EVC: variants seen among roughly 807,000 people sequenced by gnomAD.
The protein encoded by EVC is EvC ciliary complex subunit 1.
Under a neutral mutation model 118.9 loss-of-function variants are expected in EVC, and 116 were observed. The observed-to-expected ratio is 0.98, with a 90% CI of 0.84 to 1.14. EVC has a LOEUF of 1.14. EVC is among the 50% of genes most tolerant of loss of function. The probability of loss-of-function intolerance (pLI) is 0.00; values close to 1 mark genes in which losing one functional copy is unlikely to be tolerated. For missense variants in EVC, 1,401 were observed against 1,246.4 expected (o/e 1.12, Z -1.87); for synonymous variants, 619 against 534.7 (o/e 1.16, Z -2.18).
chr4:5,796,025 G>T (rs183944120), intron 13 of EVC, among the ~76,000 whole-genome samples: 1 of 152,062 alleles, frequency 6.6e-6, no homozygotes, highest in East Asian at 1.9e-4. Context: ...CCGTGGTTCA[G>T]CATGGATATT....
chr4:5,749,315 TTAACAC>T lies in EVC; in HGVS notation c.1098+1014_1098+1019del, dbSNP rs1201689498. On this transcript the variant is annotated intron_variant, in intron 8 of 20. Transcript: ENST00000264956. This position sits in a 1 kb window ranked among gnomAD's most constrained non-coding sequence, Gnocchi z 4.4. Reference sequence around the variant, plus strand: ...TGTCTTAGGCCACACATAAAATACATTAACACTAACGATAGCTGATGAGCGGAAAAA... The same window carrying T: ...TGTCTTAGGCCACACATAAAATACATTAACGATAGCTGATGAGCGGAAAAA... 1.4e-5 allele frequency among the ~76,000 whole-genome samples: 2 copies of T among 141,826 alleles called. No individual in the cohort carries two copies. The highest frequency in any genetic ancestry group is 7.1e-5 in the Admixed American group (1 of 14,020). 93.0% of individuals were successfully genotyped at this position (141,826 alleles called of 152,430 possible).
intron 17 of EVC, among the ~76,000 whole-genome samples, chr4:5,806,057 G>A (rs770224763): frequency 8.6e-5 from 13 of 151,258 alleles, no homozygotes; most frequent in Non-Finnish European, 1.5e-4. Context: ...CCGCCCTTCT[G>A]TGTCTCTGTT....
intron 17 of EVC, among the ~76,000 whole-genome samples, chr4:5,805,509 A>C (rs1715723970): frequency 6.6e-6 from 1 of 152,222 alleles, no homozygotes; most frequent in African/African-American, 2.4e-5. Context: ...GGCTCCCAGC[A>C]AACTACAGTC....
chr4:5,768,013 A>G (rs1411681005), intron 11 of EVC, among the ~76,000 whole-genome samples: 2 of 151,738 alleles, frequency 1.3e-5, no homozygotes, highest in Admixed American at 6.6e-5. Context: ...TCATTCGTTC[A>G]TTCATTCATT....
chr4:5,766,108 A>G (rs562691255), intron 11 of EVC, among the ~76,000 whole-genome samples: 8 of 138,716 alleles, frequency 5.8e-5, no homozygotes, highest in African/African-American at 2.2e-4. Context: ...GGTGGTGACA[A>G]AATCTCTCAG....
At chr4:5,715,661 A>G (rs1214285844) in intron 1 of EVC, among the ~76,000 whole-genome samples, 2 of 151,450 alleles carry the variant, frequency 1.3e-5, no homozygotes, top group African/African-American at 4.9e-5. Context: ...ATATTCTTCT[A>G]TCTTTATACT....
Position 5,811,912 on chromosome 4 carries a change from G to A in EVC, c.*875G>A. 6.7e-6 allele frequency: 1 copy of A among 148,294 alleles called. No individual in the cohort carries two copies. The highest frequency in any genetic ancestry group is 2.0e-4 in the South Asian group (1 of 4,884). The allele number at this position is 148,294 out of a possible 1,614,324, so 9.2% of individuals were successfully genotyped here. A position where few individuals can be genotyped will look rare whatever the true frequency, so the allele number is the denominator to read the frequency against. On this transcript the variant is annotated 3_prime_UTR_variant, in exon 21 of 21. Coordinates refer to ENST00000264956, the MANE Select transcript of EVC (RefSeq NM_153717.3). ...AGCCTGGAGAGAAACTTCCAGACCAGCCCTCTCACTACAGCCAGGAGAGGC... is the reference window on the plus strand; with the variant it reads ...AGCCTGGAGAGAAACTTCCAGACCAACCCTCTCACTACAGCCAGGAGAGGC...
At chr4:5,768,053 G>T (rs55941772) in intron 11 of EVC, among the ~76,000 whole-genome samples, 11 of 152,208 alleles carry the variant, frequency 7.2e-5, no homozygotes, top group Non-Finnish European at 1.3e-4. Context: ...ACAGCTTTGT[G>T]CAGCATGTGT....
In EVC at chr4:5,719,370, T is replaced by G. The variant is rs1219519950; in HGVS notation, c.297T>G (p.Val99=). 1.2e-6 allele frequency: 2 copies of G among 1,614,058 alleles called. No homozygotes were observed. The highest frequency in any genetic ancestry group is 1.7e-6 in the Non-Finnish European group (2 of 1,179,990). ...AGATGTCGAAGGACAAGGAAGCTGTTGATGTAAGCTTGGTGTTGATGTTTG... is the reference window on the plus strand; with the variant it reads ...AGATGTCGAAGGACAAGGAAGCTGTGGATGTAAGCTTGGTGTTGATGTTTG... ...EVQMSKDKEA[V]DECEPPSNSN... is the part of the protein sequence containing the mutation. The change falls in exon 2 of 21, where the codon GTT becomes GTG. Residue 99 remains valine, a synonymous_variant. Coordinates refer to ENST00000264956, the MANE Select transcript of EVC (RefSeq NM_153717.3). This position sits in a 1 kb window ranked among gnomAD's most constrained non-coding sequence, Gnocchi z 4.7.
Position 5,743,539 on chromosome 4 carries a change from A to G in EVC, c.802-1665A>G, listed in dbSNP as rs1425751553. ...CACCACCTTTATCATCTTTCCTGCT[A>G]CCTCTACCTTCACCTTCATTAGAGT... is the stretch of plus-strand genomic sequence containing the variant. On this transcript the variant is annotated intron_variant, in intron 6 of 20. Coordinates refer to ENST00000264956, the MANE Select transcript of EVC (RefSeq NM_153717.3). This position sits in a 1 kb window ranked among gnomAD's most constrained non-coding sequence, Gnocchi z 4.7. Among the ~76,000 whole-genome samples the G allele has an allele frequency of 6.6e-6, 1 of 152,090 alleles. No homozygotes were observed. Among genetic ancestry groups the G allele is most frequent in the African/African-American group, 2.4e-5 (1 of 41,418 alleles).
intron 11 of EVC, among the ~76,000 whole-genome samples, chr4:5,780,053 G>T (rs933156146): frequency 3.3e-5 from 5 of 152,114 alleles, no homozygotes; most frequent in African/African-American, 9.7e-5. Context: ...TAGCATGAAG[G>T]GTTGTTGAAT....
chr4:5,798,581 C>A lies in EVC; in HGVS notation c.2098-5C>A. 1 of 1,557,570 alleles carries A rather than the reference C, an allele frequency of 6.4e-7. No homozygotes were observed. Among genetic ancestry groups the A allele is most frequent in the African/African-American group, 1.4e-5 (1 of 73,592 alleles). ...GGCCCCTGCTCCCAGTCCTTTCCCT[C>A]CCAGGAGGCGCGTGTGCTGGAGGAG... On this transcript the variant is annotated splice_region_variant and splice_polypyrimidine_tract_variant and intron_variant, in intron 14 of 20. Coordinates refer to ENST00000264956, the MANE Select transcript of EVC (RefSeq NM_153717.3). The surrounding 1 kb of genome is among the most constrained non-coding windows in gnomAD (Gnocchi z 4.1).
At chr4:5,753,439 G>A (rs1221894682) in intron 9 of EVC, among the ~76,000 whole-genome samples, 2 of 152,202 alleles carry the variant, frequency 1.3e-5, no homozygotes, top group East Asian at 1.9e-4. Context: ...TCATGCTGGA[G>A]TCATGTGGCC....
rs193005204 is a variant in EVC, at chr4:5,758,165, A to G, written c.1563+1803A>G. 7.1e-3 allele frequency: 4,983 copies of G among 701,268 alleles called. 177 individuals carry two copies. The highest frequency in any genetic ancestry group is 0.058 in the South Asian group (3,928 of 67,474). The allele number at this position is 701,268 out of a possible 1,614,324, so 43.4% of individuals were successfully genotyped here. A position where few individuals can be genotyped will look rare whatever the true frequency, so the allele number is the denominator to read the frequency against. ...ACTGGAGTGATGCAGCCACAAGCCGAGGAACACCTGCAGCCACCAAAAGCC... is the reference window on the plus strand; with the variant it reads ...ACTGGAGTGATGCAGCCACAAGCCGGGGAACACCTGCAGCCACCAAAAGCC... On this transcript the variant is annotated intron_variant, in intron 11 of 20. Transcript: ENST00000264956.
At chr4:5,762,544 C>T (rs1732236778) in intron 11 of EVC, among the ~76,000 whole-genome samples, 1 of 144,510 alleles carries the variant, frequency 6.9e-6, no homozygotes, top group South Asian at 2.3e-4. Flanking sequence ...CCTATTTCTC[C>T]ACATCCTCTC....
At chr4:5,824,483 CCTCT>C in the EVC span, 19,891 of 931,280 alleles carry the variant, frequency 0.021, 210 homozygotes, top group Non-Finnish European at 0.023. Flanking sequence ...CACACGTCAT[CCTCT>C]CTCTCTCTCT....
intron 4 of EVC, among the ~76,000 whole-genome samples, chr4:5,732,965 G>A (rs1010090835): frequency 6.6e-6 from 1 of 152,198 alleles, no homozygotes; most frequent in Non-Finnish European, 1.5e-5. Context: ...AGCCGTGATT[G>A]TACCACTGCA....
rs1726781077 is a variant in EVC at position 5,731,348 on chromosome 4, A to G, written c.385-77A>G. On this transcript the variant is annotated intron_variant, in intron 3 of 20. Coordinates refer to ENST00000264956, the MANE Select transcript of EVC (RefSeq NM_153717.3). The surrounding 1 kb of genome is among the most constrained non-coding windows in gnomAD (Gnocchi z 5.6). ...TTCCTGTGAGCGGCTAGCGTGAATC[A>G]CTGGTAGAATTATGAATACTAGATC... is the stretch of plus-strand genomic sequence containing the variant. 3 of 1,234,356 alleles carry G rather than the reference A, an allele frequency of 2.4e-6. No individual in the cohort carries two copies. The highest frequency in any genetic ancestry group is 3.6e-6 in the Non-Finnish European group (3 of 834,504). The allele number at this position is 1,234,356 out of a possible 1,614,324, so 76.5% of individuals were successfully genotyped here. A position where few individuals can be genotyped will look rare whatever the true frequency, so the allele number is the denominator to read the frequency against.
At chr4:5,816,588 C>T (rs1430969903), downstream of EVC, among the ~76,000 whole-genome samples, 3 of 151,148 alleles carry the variant, frequency 2.0e-5, no homozygotes, top group African/African-American at 7.3e-5. Context: ...CCTCCCCTCC[C>T]TCCCTTCTTT....
Sources: gnomAD v4.1 joint callset for allele counts (sites outside exome capture counted in the v4.1 genomes callset) on GRCh38, gnomAD v4.1.1 for gene constraint, Gnocchi (gnomAD v3.1) non-coding constraint, MANE v1.5 for transcripts, NCBI Gene and HGNC (gene_info 2026-07-23, HGNC 2026-07-21) for gene names.